The following MBTPS1 variants were observed in gnomAD, a reference collection of about 807,000 sequenced individuals.
MBTPS1 encodes the protein membrane-bound transcription factor site-1 protease.
MBTPS1 carries 94 observed loss-of-function variants against 127.8 expected under a neutral mutation model. The observed-to-expected ratio is 0.74, with a 90% CI of 0.62 to 0.87. MBTPS1 has a LOEUF of 0.87. Among genes scored for constraint, MBTPS1 ranks in the 40% least tolerant of loss-of-function variants. The probability of loss-of-function intolerance (pLI) is 0.00; values close to 1 mark genes in which losing one functional copy is unlikely to be tolerated. For synonymous variants in MBTPS1, 632 were observed against 509.4 expected, an observed-to-expected ratio of 1.24 and a Z score of -3.24; for missense variants, 1,636 against 1,353.2, an observed-to-expected ratio of 1.21 and a Z score of -3.28.
Position 84,060,402 on chromosome 16 carries a change from G to A in MBTPS1, c.2704+280C>T, listed in dbSNP as rs552244322. On this transcript the variant is annotated intron_variant, in intron 20 of 22. Transcript: ENST00000343411. ...TAGGAGCCACTGTCCTCACCTGTGA[G>A]AGCGGGACGGTAAACACACTCAGAG... 3.5e-4 allele frequency: 122 copies of A among 350,752 alleles called. 2 individuals carry two copies. In the South Asian group the frequency reaches 4.8e-3, roughly 14 times the overall value. The allele number at this position is 350,752 out of a possible 1,614,324, so 21.7% of individuals were successfully genotyped here.
intron 1 of MBTPS1, among the ~76,000 whole-genome samples, chr16:84,111,018 G>A (rs1045525988): frequency 1.3e-5 from 2 of 152,212 alleles, no homozygotes; most frequent in Admixed American, 1.3e-4. Flanking sequence ...TCCTCCTGCA[G>A]TAGGCTGAAA....
chr16:84,102,039 T>C lies in MBTPS1; in HGVS notation c.-256A>G, dbSNP rs1026550089. ...TCTCACTCAGGCCGTGACGACTGAGTCCTGTACTCCATTTGTACCACAGAA... is the reference window on the plus strand; with the variant it reads ...TCTCACTCAGGCCGTGACGACTGAGCCCTGTACTCCATTTGTACCACAGAA... On this transcript the variant is annotated 5_prime_UTR_variant, in exon 2 of 23. Transcript: ENST00000343411. 4.8e-6 allele frequency: 2 copies of C among 418,038 alleles called. No individual in the cohort carries two copies. Among genetic ancestry groups the C allele is most frequent in the African/African-American group, 2.0e-5 (1 of 49,814 alleles). 25.9% of individuals were successfully genotyped at this position (418,038 alleles called of 1,614,324 possible).
rs988103286 is a variant in MBTPS1 at position 84,054,225 on chromosome 16, C to G, written c.*224G>C. 2.7e-6 allele frequency: 1 copy of G among 376,654 alleles called. No individual in the cohort carries two copies. The highest frequency in any genetic ancestry group is 4.8e-6 in the Non-Finnish European group (1 of 210,484). 23.3% of individuals were successfully genotyped at this position (376,654 alleles called of 1,614,324 possible). ...AGCTGCCGGCGGGAAGTCTCACTGG[C>G]GGCAGAGCCACTAAGTCCCTCCTGA... On this transcript the variant is annotated 3_prime_UTR_variant, in exon 23 of 23. Transcript: ENST00000343411.
intron 12 of MBTPS1, among the ~76,000 whole-genome samples, chr16:84,074,116 T>C (rs72799281): frequency 8.5e-5 from 13 of 152,310 alleles, no homozygotes; most frequent in African/African-American, 3.1e-4. Context: ...AAACTCAAGA[T>C]GCCAAAGCAA....
intron 9 of MBTPS1, chr16:84,086,581 G>T (rs928003094): frequency 6.6e-6 from 1 of 152,290 alleles, no homozygotes; most frequent in Admixed American, 6.5e-5. Flanking sequence ...CAGGCAGAAG[G>T]CTATCCTGTA....
At chr16:84,105,655 T>C (rs753696760) in intron 1 of MBTPS1, among the ~76,000 whole-genome samples, 3 of 152,166 alleles carry the variant, frequency 2.0e-5, no homozygotes, top group Non-Finnish European at 2.9e-5. Flanking sequence ...GAGGTGTCCG[T>C]CTAGCGAGGC....
intron 18 of MBTPS1, 129 bp downstream of exon 18, chr16:84,065,561 A>G (rs2085669067): frequency 1.4e-6 from 1 of 692,770 alleles, no homozygotes; most frequent in South Asian, 1.6e-5. Context: ...GGCAACTGTT[A>G]TGGTATGTAA....
chr16:84,065,010 A>C (rs10445073), intron 18 of MBTPS1, among the ~76,000 whole-genome samples: 74 of 152,104 alleles, frequency 4.9e-4, no homozygotes, highest in Non-Finnish European at 6.6e-4. Context: ...GCATGACAGA[A>C]ACGAATCTTG....
intron 2 of MBTPS1, among the ~76,000 whole-genome samples, chr16:84,101,259 C>T (rs1376571717): frequency 6.6e-6 from 1 of 152,094 alleles, no homozygotes; most frequent in Non-Finnish European, 1.5e-5. Flanking sequence ...GAGATCGTGC[C>T]ATTGCACTCC....
intron 1 of MBTPS1, among the ~76,000 whole-genome samples, chr16:84,108,589 G>C (rs955496868): frequency 1.3e-4 from 20 of 152,210 alleles, no homozygotes; most frequent in African/African-American, 4.6e-4. Context: ...TTTCTAAAGA[G>C]TGCTAACTCT....
rs559488065 is a variant in MBTPS1 at position 84,054,664 on chromosome 16, T to C, written c.2963-19A>G. 4.0e-5 allele frequency: 62 copies of C among 1,555,888 alleles called. No homozygotes were observed. The South Asian group carries it at 6.9e-4, about 17-fold the overall frequency. On this transcript the variant is annotated intron_variant, in intron 22 of 22. Coordinates refer to ENST00000343411, the MANE Select transcript of MBTPS1 (RefSeq NM_003791.4). Reference sequence around the variant, plus strand: ...ATGATCCCTGTAAGAGGACAGCCGGTTGAACAGGCAGGAACGCCACAGAGC... The same window carrying C: ...ATGATCCCTGTAAGAGGACAGCCGGCTGAACAGGCAGGAACGCCACAGAGC...
At chr16:84,061,038 A>C (rs1267615022) in intron 19 of MBTPS1, 1 of 350,214 alleles carries the variant, frequency 2.9e-6, no homozygotes, top group African/African-American at 2.1e-5. Flanking sequence ...GGCTGGTCTC[A>C]AACTCCTGGG....
chr16:84,081,932 C>G, intron 10 of MBTPS1, 24 bp from the exon 11 acceptor site: 1 of 1,351,724 alleles, frequency 7.4e-7, no homozygotes, highest in South Asian at 2.2e-5. Flanking sequence ...CAAGAATTGC[C>G]TATTTTCTCT....
At chr16:84,054,947 C>T (rs1056690542) in intron 22 of MBTPS1, among the ~76,000 whole-genome samples, 4 of 152,084 alleles carry the variant, frequency 2.6e-5, no homozygotes, top group Admixed American at 6.5e-5. Context: ...CACAACCTAC[C>T]GAAGGGAGGC....
chr16:84,081,324 G>A (rs2085936938), intron 11 of MBTPS1, among the ~76,000 whole-genome samples: 1 of 152,218 alleles, frequency 6.6e-6, no homozygotes, highest in African/African-American at 2.4e-5. Flanking sequence ...GTCTGCAGGT[G>A]AATTACAGCA....
chr16:84,111,406 TGGTGGG>T (rs1166422099), intron 1 of MBTPS1, among the ~76,000 whole-genome samples: 2 of 151,788 alleles, frequency 1.3e-5, no homozygotes, highest in Admixed American at 6.6e-5. Flanking sequence ...TAGGTAATGG[TGGTGGG>T]TGCCTGTAAT....
chr16:84,077,508 A>G (rs1308945426), intron 11 of MBTPS1, among the ~76,000 whole-genome samples: 1 of 152,218 alleles, frequency 6.6e-6, no homozygotes, highest in African/African-American at 2.4e-5. Flanking sequence ...TGGACTTTTT[A>G]ATCACAAGAG....
intron 11 of MBTPS1, among the ~76,000 whole-genome samples, chr16:84,079,887 C>G (rs34771765): frequency 0.24 from 37,169 of 152,146 alleles, 5,122 homozygotes; most frequent in East Asian, 0.43. Flanking sequence ...TAGCTCTGTC[C>G]GAAGAGCGCA....
intron 1 of MBTPS1, among the ~76,000 whole-genome samples, chr16:84,106,890 T>C (rs1476630665): frequency 6.6e-6 from 1 of 152,168 alleles, no homozygotes; most frequent in Non-Finnish European, 1.5e-5. Flanking sequence ...GTCCACCAGA[T>C]GTGGGGGCAC....
Sources: allele counts gnomAD v4.1 joint callset (sites outside exome capture counted in the v4.1 genomes callset), GRCh38; gene constraint gnomAD v4.1.1; transcripts MANE v1.5; gene names NCBI Gene and HGNC (gene_info 2026-07-23, HGNC 2026-07-21).